The following ACYP2 variants were observed in gnomAD, a reference collection of about 807,000 sequenced individuals.
ACYP2 encodes acylphosphatase-2.
In ACYP2, 12 loss-of-function variants were observed where a neutral mutation model predicts 11.2. That is an observed-to-expected ratio of 1.08 (90% CI 0.69 to 1.74). ACYP2 has a LOEUF of 1.74. Among genes scored for constraint, ACYP2 ranks in the 40% most tolerant of loss-of-function variants. The pLI is 0.00. For missense variants in ACYP2, 134 were observed against 101.9 expected, an observed-to-expected ratio of 1.31 and a Z score of -1.35; for synonymous variants, 43 against 32.2, an observed-to-expected ratio of 1.33 and a Z score of -1.13.
chr2:54,103,572 T>C (rs750025088), intron 4 of ACYP2, among the ~76,000 whole-genome samples: 2 of 152,230 alleles, frequency 1.3e-5, no homozygotes, highest in Non-Finnish European at 2.9e-5. Flanking sequence ...TCATCCTCAT[T>C]CTAAACACTA....
intron 6 of ACYP2, among the ~76,000 whole-genome samples, chr2:54,263,525 G>A (rs540313239): frequency 5.9e-5 from 9 of 152,336 alleles, no homozygotes; most frequent in African/African-American, 2.2e-4. Context: ...TCAGGAGGCT[G>A]AGATGGGAGG....
At chr2:54,132,164 T>C (rs1301516375) in intron 4 of ACYP2, among the ~76,000 whole-genome samples, 1 of 142,468 alleles carries the variant, frequency 7.0e-6, no homozygotes, top group Non-Finnish European at 1.5e-5. Context: ...CCCTTACCCT[T>C]ATGATAAAAA....
chr2:54,228,555 A>G (rs77138331), intron 6 of ACYP2, among the ~76,000 whole-genome samples: 2,805 of 152,274 alleles, frequency 0.018, 94 homozygotes, highest in African/African-American at 0.064. Flanking sequence ...ACCACCTTCT[A>G]TGAATTTGAA....
intron 4 of ACYP2, among the ~76,000 whole-genome samples, chr2:54,070,926 GTTTT>G (rs547906291): frequency 8.9e-4 from 132 of 148,308 alleles, no homozygotes; most frequent in African/African-American, 3.1e-3. Context: ...TTGTTTGTTT[GTTTT>G]TTTCAGAGAC....
intron 2 of ACYP2, among the ~76,000 whole-genome samples, chr2:54,038,673 CTATATATATATATATATATATATATATA>C (rs56817782): frequency 4.7e-5 from 5 of 106,070 alleles, no homozygotes; most frequent in East Asian, 2.7e-4. Context: ...TTATTGAATA[CTATATATATATATATATATATATATATA>C]TATATATATA....
At chr2:54,157,801 G>A (rs1682501445) in intron 6 of ACYP2, among the ~76,000 whole-genome samples, 1 of 152,168 alleles carries the variant, frequency 6.6e-6, no homozygotes, top group Non-Finnish European at 1.5e-5. Context: ...GGCTTTCCAT[G>A]GAGGTGACTT....
chr2:54,276,736 A>G (rs1688609681), intron 6 of ACYP2, among the ~76,000 whole-genome samples: 1 of 151,908 alleles, frequency 6.6e-6, no homozygotes, highest in South Asian at 2.1e-4. Context: ...TTAATTTTAA[A>G]TTGATATTTA....
At chr2:54,015,645 T>TCTCACACACACACACACACA (rs1322863615) in intron 2 of ACYP2, among the ~76,000 whole-genome samples, 7 of 130,420 alleles carry the variant, frequency 5.4e-5, no homozygotes, top group African/African-American at 2.2e-4. Context: ...TGAGACCCCG[T>TCTCACACACACACACACACA]CACACACACA....
intron 6 of ACYP2, among the ~76,000 whole-genome samples, chr2:54,299,964 C>T (rs772307009): frequency 2.6e-5 from 4 of 152,296 alleles, no homozygotes; most frequent in East Asian, 3.9e-4. Context: ...GTGATTATTA[C>T]ACCTTTTCAC....
At chr2:54,009,646 A>C (rs1673257638) in intron 2 of ACYP2, among the ~76,000 whole-genome samples, 1 of 152,156 alleles carries the variant, frequency 6.6e-6, no homozygotes, top group African/African-American at 2.4e-5. Context: ...AGAGTCAGGA[A>C]GAAATCAAGG....
intron 6 of ACYP2, among the ~76,000 whole-genome samples, chr2:54,246,495 T>C (rs1331049477): frequency 1.3e-5 from 2 of 152,036 alleles, no homozygotes; most frequent in East Asian, 3.8e-4. Flanking sequence ...TCTGTTGCTA[T>C]TGTAGATAGT....
chr2:54,129,585 G>A (rs1461310325), intron 4 of ACYP2, among the ~76,000 whole-genome samples: 1 of 150,234 alleles, frequency 6.7e-6, no homozygotes, highest in Non-Finnish European at 1.5e-5. Context: ...ATCTATTATA[G>A]TATATATACT....
intron 6 of ACYP2, among the ~76,000 whole-genome samples, chr2:54,242,186 C>A (rs1686756706): frequency 6.6e-6 from 1 of 152,200 alleles, no homozygotes; most frequent in African/African-American, 2.4e-5. Context: ...CCATGCACAG[C>A]ATTACAGAAT....
chr2:54,245,867 T>C (rs370875677), intron 6 of ACYP2, among the ~76,000 whole-genome samples: 16 of 152,044 alleles, frequency 1.1e-4, no homozygotes, highest in African/African-American at 3.4e-4. Flanking sequence ...CAGTTGGATA[T>C]AATCTGTTCA....
intron 6 of ACYP2, among the ~76,000 whole-genome samples, chr2:54,175,054 A>G (rs2103856913): frequency 6.6e-6 from 1 of 152,340 alleles, no homozygotes; most frequent in South Asian, 2.1e-4. Context: ...GAAATGAGTT[A>G]GGGAGGATTC....
chr2:54,187,851 G>A (rs879178824), intron 6 of ACYP2, among the ~76,000 whole-genome samples: 2 of 152,196 alleles, frequency 1.3e-5, no homozygotes, highest in Admixed American at 1.3e-4. Flanking sequence ...GGGAGGTGGG[G>A]CCTAATGGGA....
intron 6 of ACYP2, among the ~76,000 whole-genome samples, chr2:54,222,472 C>T (rs1160308448): frequency 6.6e-6 from 1 of 151,134 alleles, no homozygotes; most frequent in Non-Finnish European, 1.5e-5. Context: ...ATTGCTTCAA[C>T]CCAGGAGGCG....
chr2:54,295,849 C>T (rs1314566891), intron 6 of ACYP2, among the ~76,000 whole-genome samples: 1 of 151,924 alleles, frequency 6.6e-6, no homozygotes, highest in African/African-American at 2.4e-5. Context: ...CAACCTCCGC[C>T]TCCCGGGTTC....
intron 6 of ACYP2, among the ~76,000 whole-genome samples, chr2:54,298,643 C>A (rs1398480511): frequency 1.3e-5 from 2 of 152,194 alleles, no homozygotes; most frequent in East Asian, 3.8e-4. Flanking sequence ...TGGAAGTGGG[C>A]ATGAAGGTGG....
Sources: allele counts gnomAD v4.1 joint callset (sites outside exome capture counted in the v4.1 genomes callset), GRCh38; gene constraint gnomAD v4.1.1; transcripts MANE v1.5; gene names NCBI Gene and HGNC (gene_info 2026-07-23, HGNC 2026-07-21).